Variants in CEP162 observed in about 807,000 individuals in gnomAD.
CEP162 encodes the protein centrosomal protein 162, also known as centrosomal protein of 162 kDa.
CEP162 carries 141 observed loss-of-function variants against 169.2 expected under a neutral mutation model. The observed-to-expected ratio is 0.83, with a 90% CI of 0.73 to 0.96. CEP162 has a LOEUF of 0.96. CEP162 is among the 40% of genes least tolerant of loss of function. The probability of loss-of-function intolerance (pLI) is 0.00; values close to 1 mark genes in which losing one functional copy is unlikely to be tolerated. For synonymous variants in CEP162, 540 were observed against 526.4 expected (o/e 1.03, Z -0.35); for missense variants, 1,600 against 1,587.2 (o/e 1.01, Z -0.14).
In CEP162 at chr6:84,191,594, G is replaced by A. The variant is rs1439422916; in HGVS notation, c.1109+2015C>T. On this transcript the variant is annotated intron_variant, in intron 11 of 26. Transcript: ENST00000403245. ...ACCCTGTCTTTTTAATTATAACCCT[G>A]TCTTTTTAATTCAACCATTGGTACA... Among the ~76,000 whole-genome samples the A allele has an allele frequency of 3.9e-5, 6 of 152,234 alleles. No homozygotes were observed. In the East Asian group the frequency reaches 1.2e-3, roughly 29 times the overall value.
intron 3 of CEP162, chr6:84,219,184 G>A (rs1230671056): frequency 5.4e-6 from 7 of 1,286,414 alleles, no homozygotes; most frequent in Non-Finnish European, 7.2e-6. Flanking sequence ...TCTTGATACA[G>A]GAATCACGTC....
In CEP162 at chr6:84,195,638, A is replaced by G. The variant is rs185034161; in HGVS notation, c.836-563T>C. ...TTTCACTTTATCTTAGCCAAAAGGC[A>G]GAGAAGTCAAACATTGTTTTTTTTC... On this transcript the variant is annotated intron_variant, in intron 9 of 26. Coordinates refer to ENST00000403245, the MANE Select transcript of CEP162 (RefSeq NM_014895.4). 2.0e-5 allele frequency among the ~76,000 whole-genome samples: 3 copies of G among 152,370 alleles called. No individual in the cohort carries two copies. The East Asian group carries it at 5.8e-4, about 29-fold the overall frequency.
chr6:84,195,765 T>C (rs1435255096), intron 9 of CEP162, among the ~76,000 whole-genome samples: 1 of 152,218 alleles, frequency 6.6e-6, no homozygotes, highest in African/African-American at 2.4e-5. Context: ...CAGGGCTCCA[T>C]CTTCAGCCCT....
intron 2 of CEP162, among the ~76,000 whole-genome samples, chr6:84,222,538 C>G (rs2099554118): frequency 1.3e-5 from 2 of 152,244 alleles, no homozygotes; most frequent in Admixed American, 1.3e-4. Context: ...CTCAGGTTAA[C>G]TCACTTAATC....
intron 3 of CEP162, chr6:84,217,976 G>C (rs1346988006): frequency 6.6e-6 from 1 of 152,182 alleles, no homozygotes; most frequent in Non-Finnish European, 1.5e-5. Flanking sequence ...AAGTCTAATG[G>C]AACAAGAGAC....
At chr6:84,177,474 C>T (rs2099532874) in intron 13 of CEP162, among the ~76,000 whole-genome samples, 1 of 152,170 alleles carries the variant, frequency 6.6e-6, no homozygotes, top group Admixed American at 6.5e-5. Context: ...TGGATGTTTC[C>T]TCTCAACACT....
At chr6:84,226,841 GAC>G (rs879876351) in intron 1 of CEP162, among the ~76,000 whole-genome samples, 6 of 152,134 alleles carry the variant, frequency 3.9e-5, no homozygotes, top group Non-Finnish European at 8.8e-5. Context: ...CAAAGCACAC[GAC>G]AGTTTGTGCT....
chr6:84,126,615 G>A, intron 25 of CEP162, 103 bp from the exon 26 acceptor site: 2 of 764,294 alleles, frequency 2.6e-6, no homozygotes, highest in Non-Finnish European at 3.9e-6. Flanking sequence ...ATATAAGTAA[G>A]AGGCACCTTG....
intron 2 of CEP162, among the ~76,000 whole-genome samples, chr6:84,223,679 G>A (rs2099554628): frequency 2.0e-5 from 3 of 151,844 alleles, no homozygotes; most frequent in Non-Finnish European, 4.4e-5. Flanking sequence ...GGCCGAGGCA[G>A]GCGGATCACT....
At chr6:84,132,936 C>T (rs1211939013) in intron 25 of CEP162, among the ~76,000 whole-genome samples, 1 of 152,104 alleles carries the variant, frequency 6.6e-6, no homozygotes, top group Non-Finnish European at 1.5e-5. Flanking sequence ...AAGAGGCACT[C>T]TGATTTTTGG....
At chr6:84,208,774 C>T (rs2099548316) in intron 6 of CEP162, among the ~76,000 whole-genome samples, 2 of 152,198 alleles carry the variant, frequency 1.3e-5, no homozygotes, top group Non-Finnish European at 1.5e-5. Context: ...AAGAACACTG[C>T]TTGGGATTTT....
chr6:84,212,895 G>A (rs2099550069), intron 6 of CEP162, 62 bp downstream of exon 6: 4 of 985,726 alleles, frequency 4.1e-6, no homozygotes, highest in African/African-American at 1.6e-5. Context: ...TCTTATTAAT[G>A]TCTTTATTAA....
At position 84,215,411 on chromosome 6, in the gene CEP162, A is replaced by T; in HGVS notation, c.374T>A (p.Leu125Ter). The stretch of plus-strand genomic sequence containing the variant: ...TTGTTCTTTCTCCTCTTGTTCTTCT[A>T]ATGTGTCCAATCCCACTCCGAGACT... ...HSSLGVGLDT[L>*]EEQEEKEQFF... is the part of the protein sequence containing the mutation. Residue 125 changes from leucine to a stop codon, truncating the protein, a stop_gained, in exon 5 of 27, where the codon TTA becomes TAA. Transcript: ENST00000403245. LOFTEE classifies it high-confidence loss of function. 1 of 1,611,278 alleles carries T rather than the reference A, an allele frequency of 6.2e-7. No individual in the cohort carries two copies. The highest frequency in any genetic ancestry group is 8.5e-7 in the Non-Finnish European group (1 of 1,178,484).
intron 7 of CEP162, 25 bp downstream of exon 7, chr6:84,203,956 T>C (rs1424866731): frequency 6.8e-7 from 1 of 1,474,918 alleles, no homozygotes; most frequent in South Asian, 1.2e-5. Context: ...TGCAAAACTG[T>C]CAAATATATA....
At chr6:84,152,075 T>G (rs17185634) in intron 23 of CEP162, among the ~76,000 whole-genome samples, 7,454 of 152,046 alleles carry the variant, frequency 0.049, 229 homozygotes, top group Admixed American at 0.088. Flanking sequence ...AATGGATGAG[T>G]ATAAAGTTCC....
intron 25 of CEP162, among the ~76,000 whole-genome samples, chr6:84,144,873 T>A (rs185177184): frequency 6.6e-6 from 1 of 152,248 alleles, no homozygotes; most frequent in East Asian, 1.9e-4. Flanking sequence ...ATTGAAATAT[T>A]TATCTTTTTT....
At chr6:84,130,072 G>A (rs1456778350) in intron 25 of CEP162, among the ~76,000 whole-genome samples, 4 of 152,098 alleles carry the variant, frequency 2.6e-5, no homozygotes, top group Admixed American at 6.5e-5. Context: ...TAGCATGAAC[G>A]GCTGTTGAAT....
intron 6 of CEP162, among the ~76,000 whole-genome samples, chr6:84,206,118 C>T (rs1295959014): frequency 6.7e-6 from 1 of 149,208 alleles, no homozygotes; most frequent in Non-Finnish European, 1.5e-5. Flanking sequence ...TAGGAAGAAT[C>T]AATATCGTGA....
intron 3 of CEP162, among the ~76,000 whole-genome samples, chr6:84,220,625 G>C (rs1408740323): frequency 6.6e-6 from 1 of 152,072 alleles, no homozygotes; most frequent in African/African-American, 2.4e-5. Context: ...ATATATATGA[G>C]AGACATATAT....
Sources: allele counts gnomAD v4.1 joint callset (sites outside exome capture counted in the v4.1 genomes callset), GRCh38; gene constraint gnomAD v4.1.1; transcripts MANE v1.5; gene names NCBI Gene and HGNC (gene_info 2026-07-23, HGNC 2026-07-21).